DST: variants seen among roughly 807,000 people sequenced by gnomAD.
The protein encoded by DST is bullous pemphigoid antigen.
Under a neutral mutation model 875.2 loss-of-function variants are expected in DST, and 253 were observed. That is an observed-to-expected ratio of 0.29 (90% CI 0.26 to 0.32). The LOEUF is 0.32. Ranked by LOEUF, DST falls within the 10% of genes least tolerant of loss-of-function variation. DST has a pLI of 1.00. For synonymous variants in DST, 3,124 were observed against 3,197.1 expected, an observed-to-expected ratio of 0.98 and a Z score of 0.77; for missense variants, 8,287 against 9,111.6, an observed-to-expected ratio of 0.91 and a Z score of 3.68.
chr6:56,525,003 C>T (rs112520847), intron 69 of DST, among the ~76,000 whole-genome samples: 242 of 152,060 alleles, frequency 1.6e-3, no homozygotes, highest in Middle Eastern at 3.4e-3. Context: ...GGAAAACATA[C>T]GCAAAACCTT....
chr6:56,597,687 T>C, intron 47 of DST, 53 bp downstream of exon 47: 3 of 1,555,530 alleles, frequency 1.9e-6, no homozygotes, highest in East Asian at 2.3e-5. Flanking sequence ...TATTTCTCTC[T>C]TTACCAACCT....
At chr6:56,837,637 C>G (rs770862337) in intron 4 of DST, among the ~76,000 whole-genome samples, 1 of 152,194 alleles carries the variant, frequency 6.6e-6, no homozygotes, top group Non-Finnish European at 1.5e-5. Context: ...CCATATCCAT[C>G]TTCCTACAAA....
At chr6:56,779,998 A>G (rs1254187673) in intron 4 of DST, among the ~76,000 whole-genome samples, 2 of 149,708 alleles carry the variant, frequency 1.3e-5, no homozygotes, top group African/African-American at 2.5e-5. Context: ...TCCTTGAGAT[A>G]GTTTACTGAG....
chr6:56,602,083 T>G (rs2152704378), intron 43 of DST: 1 of 339,598 alleles, frequency 2.9e-6, no homozygotes, highest in Middle Eastern at 3.9e-4. Context: ...CTTTGAGGGA[T>G]TTGAAATATG....
intron 5 of DST, among the ~76,000 whole-genome samples, chr6:56,705,943 G>A (rs913841198): frequency 2.0e-5 from 3 of 152,128 alleles, no homozygotes; most frequent in African/African-American, 4.8e-5. Flanking sequence ...ACCAAAGTAA[G>A]ACAAAGTTTA....
At chr6:56,910,002 G>C (rs77530748) in intron 2 of DST, among the ~76,000 whole-genome samples, 2,883 of 152,280 alleles carry the variant, frequency 0.019, 93 homozygotes, top group African/African-American at 0.065. Flanking sequence ...TCTGTTTTCA[G>C]AGAGAATGTA....
chr6:56,810,083 T>TC (rs923485821), intron 4 of DST, among the ~76,000 whole-genome samples: 1 of 152,084 alleles, frequency 6.6e-6, no homozygotes, highest in African/African-American at 2.4e-5. Flanking sequence ...TCCCAGCACT[T>TC]TGGGAGGCCA....
intron 2 of DST, among the ~76,000 whole-genome samples, chr6:56,909,399 T>G (rs1195073920): frequency 6.6e-6 from 1 of 152,172 alleles, no homozygotes; most frequent in Non-Finnish European, 1.5e-5. Flanking sequence ...CCACAGCCAC[T>G]TCTCCATGCT....
At chr6:56,755,619 A>G (rs1257275730) in intron 4 of DST, among the ~76,000 whole-genome samples, 7 of 151,940 alleles carry the variant, frequency 4.6e-5, no homozygotes, top group Non-Finnish European at 1.0e-4. Context: ...CTTGCTAAAC[A>G]CTACTAGCTC....
At position 56,615,910 on chromosome 6, in the gene DST, C is replaced by T. The variant is rs368876285; in HGVS notation, c.4930-1426G>A. The T allele has an allele frequency of 1.9e-4, 304 of 1,614,112 alleles. No homozygotes were observed. The highest frequency in any genetic ancestry group is 2.5e-4 in the Non-Finnish European group (292 of 1,180,052). ...CAATCCCTGTGATTACTAATTCACACTGTCGCAGCTGCTGGGCAAACCCCT... is the reference window on the plus strand; with the variant it reads ...CAATCCCTGTGATTACTAATTCACATTGTCGCAGCTGCTGGGCAAACCCCT... On this transcript the variant is annotated intron_variant, in intron 36 of 103. Coordinates refer to ENST00000680361, the MANE Select transcript of DST (RefSeq NM_001374736.1).
intron 2 of DST, among the ~76,000 whole-genome samples, chr6:56,952,032 G>A (rs1290186013): frequency 6.6e-6 from 1 of 151,986 alleles, no homozygotes; most frequent in African/African-American, 2.4e-5. Context: ...ACAAGGCACT[G>A]AGCCAAATAG....
chr6:56,924,722 T>C (rs1592560494), intron 2 of DST, among the ~76,000 whole-genome samples: 1 of 152,302 alleles, frequency 6.6e-6, no homozygotes, highest in East Asian at 1.9e-4. Flanking sequence ...ATTTCTAATT[T>C]TCAAACATAT....
At chr6:56,670,481 G>C (rs543782026) in intron 10 of DST, 160 bp downstream of exon 10, 1 of 535,794 alleles carries the variant, frequency 1.9e-6, no homozygotes, top group African/African-American at 2.0e-5. Context: ...TTACAGGCAT[G>C]GGCCACTGCA....
intron 4 of DST, among the ~76,000 whole-genome samples, chr6:56,806,136 A>T (rs945552247): frequency 2.0e-5 from 3 of 152,220 alleles, no homozygotes; most frequent in Non-Finnish European, 1.5e-5. Flanking sequence ...AATTATTTTC[A>T]CATCTCATCT....
chr6:56,870,431 CAAAA>C (rs34119606), intron 3 of DST, among the ~76,000 whole-genome samples: 4 of 51,372 alleles, frequency 7.8e-5, no homozygotes, highest in South Asian at 7.7e-4. Flanking sequence ...CTTGCAACTG[CAAAA>C]AAAAAAAAAA....
intron 36 of DST, among the ~76,000 whole-genome samples, chr6:56,622,569 C>CAAAA (rs61514901): frequency 1.5e-5 from 1 of 65,742 alleles, no homozygotes; most frequent in Non-Finnish European, 2.8e-5. Flanking sequence ...AGATCCGTCT[C>CAAAA]AAAAAAAAAA....
chr6:56,924,372 A>G (rs1361177554), intron 2 of DST, among the ~76,000 whole-genome samples: 1 of 152,084 alleles, frequency 6.6e-6, no homozygotes, highest in African/African-American at 2.4e-5. Flanking sequence ...AGTTATATGC[A>G]TATTGATCCC....
chr6:56,917,731 A>G (rs1230768929), intron 2 of DST, among the ~76,000 whole-genome samples: 2 of 152,204 alleles, frequency 1.3e-5, no homozygotes, highest in African/African-American at 4.8e-5. Flanking sequence ...CCACAGTTTG[A>G]CTTATCATGG....
chr6:56,795,182 A>G (rs1458246402), intron 4 of DST, among the ~76,000 whole-genome samples: 1 of 152,160 alleles, frequency 6.6e-6, no homozygotes, highest in Middle Eastern at 3.2e-3. Context: ...ATCCTTAAAT[A>G]CAAACAGGAG....
Sources: allele counts gnomAD v4.1 joint callset (sites outside exome capture counted in the v4.1 genomes callset), GRCh38; gene constraint gnomAD v4.1.1; transcripts MANE v1.5; gene names NCBI Gene and HGNC (gene_info 2026-07-23, HGNC 2026-07-21).